Variants in PBX3 observed in about 807,000 individuals in gnomAD.
PBX3 encodes the protein pre-B-cell leukemia transcription factor 3.
PBX3 carries 14 observed loss-of-function variants against 48.5 expected under a neutral mutation model. That is an observed-to-expected ratio of 0.29 (90% CI 0.19 to 0.45). PBX3 has a LOEUF of 0.45. PBX3 is among the 20% of genes least tolerant of loss of function. The pLI is 1.00. For synonymous variants in PBX3, 210 were observed against 200.3 expected (o/e 1.05, Z -0.41); for missense variants, 386 against 546.7 (o/e 0.71, Z 2.93).
At chr9:125,767,103 A>G (rs10986891) in intron 2 of PBX3, among the ~76,000 whole-genome samples, 1 of 152,212 alleles carries the variant, frequency 6.6e-6, no homozygotes, top group Non-Finnish European at 1.5e-5. Flanking sequence ...TTTTATATTC[A>G]CTTGCTTTTT....
chr9:125,908,753 G>GT (rs11376330), intron 2 of PBX3, among the ~76,000 whole-genome samples: 3,149 of 151,756 alleles, frequency 0.021, 37 homozygotes, highest in Middle Eastern at 0.048. Flanking sequence ...AAATAGTGCT[G>GT]TTTTTTTTCT....
At chr9:125,818,731 A>G (rs1045041464) in intron 2 of PBX3, among the ~76,000 whole-genome samples, 2 of 151,850 alleles carry the variant, frequency 1.3e-5, no homozygotes, top group Non-Finnish European at 2.9e-5. Flanking sequence ...TGGGCTCAAA[A>G]ACCTGCCCGC....
chr9:125,819,039 T>A (rs1838566500), intron 2 of PBX3, among the ~76,000 whole-genome samples: 1 of 149,426 alleles, frequency 6.7e-6, no homozygotes, highest in East Asian at 2.1e-4. Flanking sequence ...TCTCACCATG[T>A]TGGCCAGGCT....
At chr9:125,810,901 G>A (rs535241133) in intron 2 of PBX3, among the ~76,000 whole-genome samples, 1 of 152,164 alleles carries the variant, frequency 6.6e-6, no homozygotes, top group Non-Finnish European at 1.5e-5. Flanking sequence ...CTCCCAAGAT[G>A]CGAGGTGTGG....
intron 2 of PBX3, among the ~76,000 whole-genome samples, chr9:125,897,823 A>G (rs1301174530): frequency 6.6e-6 from 1 of 151,866 alleles, no homozygotes; most frequent in Non-Finnish European, 1.5e-5. Flanking sequence ...ATGAATATAT[A>G]TTTACCACTA....
At position 125,965,838 on chromosome 9, in the gene PBX3, G is replaced by C. The variant is rs142803989; in HGVS notation, c.1220G>C (p.Gly407Ala). The change falls in exon 9 of 9, where the codon GGA becomes GCA. Residue 407 changes from glycine (G) to alanine (A), a missense_variant. Physicochemically the swap from Gly to Ala is moderately conservative, Grantham distance 60. Around this residue, in one of 4 missense-constraint regions of PBX3, gnomAD observed 127 missense variants for 143.3 expected, o/e 0.89. Coordinates refer to ENST00000373489, the MANE Select transcript of PBX3 (RefSeq NM_006195.6). ...CTGTGTTTCTCCTTTCAGGCTAATG[G>C]AGGCTGGCAGGACGCAACAACTCCA... is the stretch of plus-strand genomic sequence containing the variant. ...LYSPHNLNANGGWQDATTPSS... is the reference protein window; with the variant it reads ...LYSPHNLNANAGWQDATTPSS... The C allele has an allele frequency of 6.2e-7, 1 of 1,613,682 alleles. No homozygotes were observed. The highest frequency in any genetic ancestry group is 8.5e-7 in the Non-Finnish European group (1 of 1,179,704).
Position 125,960,859 on chromosome 9 carries a change from G to T in PBX3, c.1009+10G>T. On this transcript the variant is annotated intron_variant, in intron 6 of 8. Coordinates refer to ENST00000373489, the MANE Select transcript of PBX3 (RefSeq NM_006195.6). ...ACCACACCAAATTCCGGTGCGTACT[G>T]GGGGCTCGCTCCCCAACTGGCCCAG... 1 of 1,610,210 alleles carries T rather than the reference G, an allele frequency of 6.2e-7. No homozygotes were observed. The highest frequency in any genetic ancestry group is 1.3e-5 in the African/African-American group (1 of 74,996).
At chr9:125,793,645 G>T (rs1287274790) in intron 2 of PBX3, among the ~76,000 whole-genome samples, 1 of 151,734 alleles carries the variant, frequency 6.6e-6, no homozygotes, top group African/African-American at 2.4e-5. Context: ...GGCCAGACTG[G>T]TCTTGAATTC....
At chr9:125,900,742 C>A (rs1460421024) in intron 2 of PBX3, among the ~76,000 whole-genome samples, 1 of 151,668 alleles carries the variant, frequency 6.6e-6, no homozygotes, top group Non-Finnish European at 1.5e-5. Context: ...AACTTGATAC[C>A]TTTTAAACAG....
At position 125,846,784 on chromosome 9, in the gene PBX3, T is replaced by C. The variant is rs529650340; in HGVS notation, c.275-68902T>C. Among the ~76,000 whole-genome samples, 3 of 152,198 alleles carry C rather than the reference T, an allele frequency of 2.0e-5. No homozygotes were observed. In the South Asian group the frequency reaches 6.2e-4, roughly 32 times the overall value. On this transcript the variant is annotated intron_variant, in intron 2 of 8. Coordinates refer to ENST00000373489, the MANE Select transcript of PBX3 (RefSeq NM_006195.6). ...CATTATTACACCAAAATATGAACCA[T>C]AATTCCTTGATATCATATATCCAAA...
rs755443165 is a variant in PBX3 at position 125,801,784 on chromosome 9, T to TACACACAC, written c.274+53166_274+53167insCACACACA. Reference sequence around the variant, plus strand: ...TCTTAAATGTTTATATGAACATGTATACACATACACACACACACACACACA... The same window carrying TACACACAC: ...TCTTAAATGTTTATATGAACATGTATACACACACACACATACACACACACACACACACA... On this transcript the variant is annotated intron_variant, in intron 2 of 8. Transcript: ENST00000373489. Among the ~76,000 whole-genome samples, 223 of 74,282 alleles carry TACACACAC rather than the reference T, an allele frequency of 3.0e-3. 1 individual carries two copies. The highest frequency in any genetic ancestry group is 3.5e-3 in the Non-Finnish European group (131 of 37,110). The allele number at this position is 74,282 out of a possible 152,430, so 48.7% of individuals were successfully genotyped here.
chr9:125,770,266 T>C (rs894787004), intron 2 of PBX3, among the ~76,000 whole-genome samples: 2 of 152,142 alleles, frequency 1.3e-5, no homozygotes, highest in African/African-American at 4.8e-5. Context: ...TCTCTGATAG[T>C]GACATGTGTA....
chr9:125,902,153 A>G (rs551886321), intron 2 of PBX3, among the ~76,000 whole-genome samples: 134 of 151,720 alleles, frequency 8.8e-4, no homozygotes, highest in Non-Finnish European at 1.9e-3. Flanking sequence ...TTATGCAAAG[A>G]TGTTTGCTCC....
chr9:125,845,468 C>T (rs1839404438), intron 2 of PBX3, among the ~76,000 whole-genome samples: 1 of 152,050 alleles, frequency 6.6e-6, no homozygotes, highest in Non-Finnish European at 1.5e-5. Context: ...ATCAATGATG[C>T]AATCTTTTTC....
intron 5 of PBX3, among the ~76,000 whole-genome samples, chr9:125,946,854 G>C (rs893794946): frequency 6.6e-6 from 1 of 152,114 alleles, no homozygotes; most frequent in Admixed American, 6.5e-5. Context: ...CCAAGCCCTA[G>C]ACTCATGAAG....
intron 2 of PBX3, among the ~76,000 whole-genome samples, chr9:125,823,088 A>G (rs775365575): frequency 6.6e-6 from 1 of 151,798 alleles, no homozygotes; most frequent in South Asian, 2.1e-4. Context: ...TGCCTCTTGT[A>G]TGTGTAAGTT....
At chr9:125,942,206 T>C (rs1841971642) in intron 5 of PBX3, among the ~76,000 whole-genome samples, 1 of 152,222 alleles carries the variant, frequency 6.6e-6, no homozygotes, top group African/African-American at 2.4e-5. Flanking sequence ...TGGGGATTTT[T>C]ACACAGATAT....
rs564126274 is a variant in PBX3, at chr9:125,778,265, T to G, written c.274+29642T>G. 1.4e-5 allele frequency among the ~76,000 whole-genome samples: 2 copies of G among 144,434 alleles called. 1 individual carries two copies. The highest frequency in any genetic ancestry group is 4.4e-4 in the South Asian group (2 of 4,544). 94.8% of individuals were successfully genotyped at this position (144,434 alleles called of 152,430 possible). A position where few individuals can be genotyped will look rare whatever the true frequency, so the allele number is the denominator to read the frequency against. ...GTGTGAGCCACCGTGCCTGGCCCTC[T>G]TTTTTTTTTTTGAGACGGAGTCTCA... On this transcript the variant is annotated intron_variant, in intron 2 of 8. Transcript: ENST00000373489.
chr9:125,781,004 C>T (rs1325098206), intron 2 of PBX3, among the ~76,000 whole-genome samples: 4 of 106,034 alleles, frequency 3.8e-5, no homozygotes, highest in Middle Eastern at 4.4e-3. Flanking sequence ...GATGGGATGG[C>T]GGCCGGGCAG....
Sources: allele counts gnomAD v4.1 joint callset (sites outside exome capture counted in the v4.1 genomes callset), GRCh38; gene constraint gnomAD v4.1.1; regional missense constraint gnomAD v4.1.1; transcripts MANE v1.5; gene names NCBI Gene and HGNC (gene_info 2026-07-23, HGNC 2026-07-21).